The following CEP83 variants were observed in gnomAD, a reference collection of about 807,000 sequenced individuals.
The protein encoded by CEP83 is centrosomal protein 83.
CEP83 carries 70 observed loss-of-function variants against 101.9 expected under a neutral mutation model. That is an observed-to-expected ratio of 0.69 (90% CI 0.57 to 0.84). The LOEUF is 0.84. CEP83 is among the 40% of genes least tolerant of loss of function. The pLI is 0.00. For missense variants in CEP83, 715 were observed against 787.2 expected, an observed-to-expected ratio of 0.91 and a Z score of 1.10; for synonymous variants, 264 against 267.9, an observed-to-expected ratio of 0.99 and a Z score of 0.14.
the CEP83 span, chr12:94,272,092 T>A: frequency 1.3e-5 from 2 of 152,162 alleles, no homozygotes; most frequent in African/African-American, 4.8e-5. Flanking sequence ...CTGGCCCTCT[T>A]CCCGGGCCTT....
chr12:94,273,905 C>T, the CEP83 span, among the ~76,000 whole-genome samples: 5 of 152,186 alleles, frequency 3.3e-5, no homozygotes, highest in East Asian at 1.9e-4. Flanking sequence ...AGCTCCAAGC[C>T]GGTCCCTACA....
At chr12:94,311,779 G>A (rs1158625447) in intron 15 of CEP83, among the ~76,000 whole-genome samples, 8 of 152,130 alleles carry the variant, frequency 5.3e-5, no homozygotes, top group Admixed American at 5.2e-4. Context: ...CATCTTTTTG[G>A]ACACGACATC....
chr12:94,456,678 C>T (rs747171881), intron 1 of CEP83, among the ~76,000 whole-genome samples: 2 of 152,134 alleles, frequency 1.3e-5, no homozygotes, highest in Admixed American at 6.5e-5. Context: ...CTCACTGTCA[C>T]GAGGAACAGT....
intron 11 of CEP83, among the ~76,000 whole-genome samples, chr12:94,341,138 CT>C (rs1443266795): frequency 6.6e-6 from 1 of 151,806 alleles, no homozygotes; most frequent in Non-Finnish European, 1.5e-5. Flanking sequence ...GCGGAGCAGC[CT>C]TTTGAAATAC....
rs552800621 is a variant in CEP83, at chr12:94,423,543, C to A, written c.-101-10952G>T. ...CAAAAAAAGTGATGGCTCCCCCAGG[C>A]TCCATCAGCAACAGTAAAGGGCAGG... On this transcript the variant is annotated intron_variant, in intron 2 of 16. Transcript: ENST00000397809. 1.2e-4 allele frequency among the ~76,000 whole-genome samples: 18 copies of A among 150,834 alleles called. No homozygotes were observed. The East Asian group carries it at 3.5e-3, about 30-fold the overall frequency.
intron 11 of CEP83, among the ~76,000 whole-genome samples, chr12:94,359,503 T>C (rs1299816708): frequency 1.3e-5 from 2 of 152,138 alleles, no homozygotes; most frequent in African/African-American, 2.4e-5. Context: ...TATGAGCAAC[T>C]GTAGGACAAC....
At chr12:94,332,753 C>T (rs2059278335) in intron 13 of CEP83, among the ~76,000 whole-genome samples, 1 of 152,060 alleles carries the variant, frequency 6.6e-6, no homozygotes, top group African/African-American at 2.4e-5. Flanking sequence ...TATAAAAAAG[C>T]ATGGACAAAC....
Position 94,331,789 on chromosome 12 carries a change from G to T in CEP83, c.1618C>A (p.His540Asn). 1 of 1,612,190 alleles carries T rather than the reference G, an allele frequency of 6.2e-7. No individual in the cohort carries two copies. The highest frequency in any genetic ancestry group is 1.1e-5 in the South Asian group (1 of 91,024). ...EKQIQWLEEKHKLHERITDRE... is the reference protein window; with the variant it reads ...EKQIQWLEEKNKLHERITDRE... ...TCTGTGATACGCTCATGAAGCTTAT[G>T]CTTTTCTTCCAACCACTGTATCTGT... The change falls in exon 14 of 17, where the codon CAT becomes AAT. Residue 540 changes from histidine to asparagine, a missense_variant. Transcript: ENST00000397809.
intron 6 of CEP83, among the ~76,000 whole-genome samples, chr12:94,396,392 G>A (rs550268610): frequency 9.4e-5 from 14 of 148,748 alleles, no homozygotes; most frequent in Middle Eastern, 7.1e-3. Flanking sequence ...GGGTTCAAGC[G>A]ATTCTCCTGC....
Position 94,337,954 on chromosome 12 carries a change from G to A in CEP83, c.1344-2290C>T, listed in dbSNP as rs550146677. 6.6e-5 allele frequency among the ~76,000 whole-genome samples: 10 copies of A among 152,170 alleles called. No individual in the cohort carries two copies. The South Asian group carries it at 1.7e-3, about 25-fold the overall frequency. ...TAGCTTATGTACAAGTAAGAACATC[G>A]AACAGTTTCCAAGCTGAAAAGGAAG... On this transcript the variant is annotated intron_variant, in intron 11 of 16. Transcript: ENST00000397809.
the CEP83 span, among the ~76,000 whole-genome samples, chr12:94,280,939 C>G: frequency 6.6e-6 from 1 of 152,204 alleles, no homozygotes; most frequent in Admixed American, 6.5e-5. Flanking sequence ...TGTGTGCCTG[C>G]TGATTTCCCA....
intron 2 of CEP83, among the ~76,000 whole-genome samples, 174 bp downstream of exon 2, chr12:94,435,101 T>A (rs2065897633): frequency 6.6e-6 from 1 of 152,252 alleles, no homozygotes; most frequent in African/African-American, 2.4e-5. Flanking sequence ...TTACTTTATC[T>A]GAATGACACT....
chr12:94,446,305 C>G (rs2066795979), intron 1 of CEP83, among the ~76,000 whole-genome samples: 1 of 152,018 alleles, frequency 6.6e-6, no homozygotes, highest in Admixed American at 6.6e-5. Context: ...GTTTTTTGAC[C>G]AGAGATATGC....
intron 11 of CEP83, among the ~76,000 whole-genome samples, chr12:94,342,657 C>T (rs972676473): frequency 6.6e-6 from 1 of 151,820 alleles, no homozygotes; most frequent in Non-Finnish European, 1.5e-5. Context: ...CAACTAAACG[C>T]TACATATAAA....
chr12:94,437,169 C>A (rs2066054219), intron 1 of CEP83, among the ~76,000 whole-genome samples: 2 of 151,160 alleles, frequency 1.3e-5, no homozygotes, highest in Admixed American at 1.3e-4. Context: ...AATGGTGAAA[C>A]CCCAACTAAA....
chr12:94,353,534 C>A (rs910442346), intron 11 of CEP83, among the ~76,000 whole-genome samples: 1 of 152,056 alleles, frequency 6.6e-6, no homozygotes, highest in Non-Finnish European at 1.5e-5. Flanking sequence ...ATCTACAGTA[C>A]AACCAGAAAA....
At position 94,308,057 on chromosome 12, in the gene CEP83, C is replaced by CATAA. The variant is rs1420782108; in HGVS notation, c.*752_*755dup. 2.0e-5 allele frequency: 3 copies of CATAA among 152,110 alleles called. No homozygotes were observed. Among genetic ancestry groups the CATAA allele is most frequent in the Non-Finnish European group, 2.9e-5 (2 of 68,008 alleles). The allele number at this position is 152,110 out of a possible 1,614,324, so 9.4% of individuals were successfully genotyped here. On this transcript the variant is annotated 3_prime_UTR_variant, in exon 17 of 17. Coordinates refer to ENST00000397809, the MANE Select transcript of CEP83 (RefSeq NM_016122.3). ...AGAGCATACTTAGGGACACAAAACA[C>CATAA]ATAATTATTTGGTTAGATCCACAGT...
Position 94,312,966 on chromosome 12 carries a change from C to T in CEP83, c.1759G>A (p.Val587Ile), listed in dbSNP as rs1970100594. The T allele has an allele frequency of 6.3e-7, 1 of 1,591,928 alleles. No homozygotes were observed. Among genetic ancestry groups the T allele is most frequent in the Non-Finnish European group, 8.6e-7 (1 of 1,164,460 alleles). ...AATTCTTCTTTCTTTGCCTCCAAGA[C>T]TTCTACTTTCTCTTGTAGTCTTTTC... is the stretch of plus-strand genomic sequence containing the variant. ...KLKRLQEKVEVLEAKKEELET... is the reference protein window; with the variant it reads ...KLKRLQEKVEILEAKKEELET... The change falls in exon 15 of 17, where the codon GTC (valine) becomes ATC (isoleucine). Residue 587 changes from valine to isoleucine, a missense_variant. Val to Ile is a conservative substitution (Grantham distance 29). Transcript: ENST00000397809.
chr12:94,340,406 C>T (rs1052498318), intron 11 of CEP83, among the ~76,000 whole-genome samples: 2 of 151,890 alleles, frequency 1.3e-5, no homozygotes, highest in South Asian at 4.2e-4. Flanking sequence ...CAGGGATGAG[C>T]ATGTGAACTA....
Sources: allele counts gnomAD v4.1 joint callset (sites outside exome capture counted in the v4.1 genomes callset), GRCh38; gene constraint gnomAD v4.1.1; transcripts MANE v1.5; gene names NCBI Gene and HGNC (gene_info 2026-07-23, HGNC 2026-07-21).